The following CACNA1C variants were observed in gnomAD, a reference collection of about 807,000 sequenced individuals.
CACNA1C encodes voltage-dependent L-type calcium channel subunit alpha-1C.
CACNA1C carries 30 observed loss-of-function variants against 229.0 expected under a neutral mutation model. The observed-to-expected ratio is 0.13, with a 90% CI of 0.10 to 0.18. The LOEUF (loss-of-function observed/expected upper bound fraction) is 0.18, where lower values mean the gene tolerates loss of function less well. Among genes scored for constraint, CACNA1C ranks in the 10% least tolerant of loss-of-function variants. The pLI, the probability that CACNA1C is intolerant of heterozygous loss-of-function variation, is 1.00. For missense variants in CACNA1C, 1,658 were observed against 2,845.0 expected, an observed-to-expected ratio of 0.58 and a Z score of 9.49; for synonymous variants, 1,114 against 1,132.5, an observed-to-expected ratio of 0.98 and a Z score of 0.33.
At chr12:2,318,732 A>G (rs1330619361) in intron 3 of CACNA1C, among the ~76,000 whole-genome samples, 1 of 151,994 alleles carries the variant, frequency 6.6e-6, no homozygotes, top group Non-Finnish European at 1.5e-5. Context: ...CCAAAGAAAG[A>G]GAATGGAGGG....
chr12:2,399,884 C>G (rs1007794627), intron 3 of CACNA1C, among the ~76,000 whole-genome samples: 1 of 152,232 alleles, frequency 6.6e-6, no homozygotes, highest in African/African-American at 2.4e-5. Context: ...CATCTGAACT[C>G]TGACTTCCTG....
intron 3 of CACNA1C, among the ~76,000 whole-genome samples, chr12:2,153,833 A>G (rs1446104242): frequency 6.6e-6 from 1 of 152,204 alleles, no homozygotes; most frequent in South Asian, 2.1e-4. Context: ...CATTAATAAG[A>G]TAATTGGAAG....
chr12:2,617,076 C>T (rs1328000984), intron 29 of CACNA1C, among the ~76,000 whole-genome samples: 1 of 152,242 alleles, frequency 6.6e-6, no homozygotes, highest in Non-Finnish European at 1.5e-5. Context: ...GAAATGAAGG[C>T]AGTGAAGCCT....
Position 2,651,828 on chromosome 12 carries a change from C to A in CACNA1C, c.4074+60C>A. ...CGCAGGGCTGCCGCGTGGCCCAGAACACAGCTGACACAAGGAGGAGCCCTC... is the reference window on the plus strand; with the variant it reads ...CGCAGGGCTGCCGCGTGGCCCAGAAAACAGCTGACACAAGGAGGAGCCCTC... On this transcript the variant is annotated intron_variant, in intron 32 of 46. Transcript: ENST00000399655. The surrounding 1 kb of genome is among the most constrained non-coding windows in gnomAD (Gnocchi z 5.4). 1 of 1,349,162 alleles carries A rather than the reference C, an allele frequency of 7.4e-7. No homozygotes were observed. 83.6% of individuals were successfully genotyped at this position (1,349,162 alleles called of 1,614,324 possible).
chr12:1,996,645 AAAAAAAAAAAC>A (rs374132125), intron 1 of CACNA1C, among the ~76,000 whole-genome samples: 19,221 of 93,906 alleles, frequency 0.2, 2,352 homozygotes, highest in Admixed American at 0.27. Flanking sequence ...AAAAAAAAAA[AAAAAAAAAAAC>A]AACAAACTCT....
intron 3 of CACNA1C, among the ~76,000 whole-genome samples, chr12:2,446,924 C>G (rs910359592): frequency 1.3e-5 from 2 of 152,072 alleles, no homozygotes; most frequent in Non-Finnish European, 2.9e-5. Context: ...AAGCAACTAG[C>G]ACATATGAAA....
Position 2,107,470 on chromosome 12 carries a change from G to A in CACNA1C, c.50-7754G>A, listed in dbSNP as rs529531666. On this transcript the variant is annotated intron_variant, in intron 1 of 46. Transcript: ENST00000399655. ...GCTGAAACCACTGGGCGCCCACCCC[G>A]GGGAGGGTTTCCACCTCAGCTGGGC... Among the ~76,000 whole-genome samples the A allele has an allele frequency of 1.3e-3, 169 of 129,768 alleles. 2 individuals are homozygous for A. The highest frequency in any genetic ancestry group is 4.8e-3 in the African/African-American group (164 of 34,146). The allele number at this position is 129,768 out of a possible 152,430, so 85.1% of individuals were successfully genotyped here. A position where few individuals can be genotyped will look rare whatever the true frequency, so the allele number is the denominator to read the frequency against.
chr12:2,101,451 C>A (rs2076381288), intron 1 of CACNA1C, among the ~76,000 whole-genome samples: 1 of 152,216 alleles, frequency 6.6e-6, no homozygotes, highest in South Asian at 2.1e-4. Flanking sequence ...CCTCCCCCTC[C>A]CAGGTGGGGC....
chr12:2,204,893 T>C (rs374345969), intron 3 of CACNA1C, among the ~76,000 whole-genome samples: 1 of 149,872 alleles, frequency 6.7e-6, no homozygotes, highest in Non-Finnish European at 1.5e-5. Flanking sequence ...TGTATACATA[T>C]GTAACTAACC....
In CACNA1C at chr12:2,090,267, T is replaced by C. The variant is rs945622316; in HGVS notation, c.50-24957T>C. On this transcript the variant is annotated intron_variant, in intron 1 of 46. Coordinates refer to ENST00000399655, the MANE Select transcript of CACNA1C (RefSeq NM_000719.7). ...CTTACAGTGTGTGTCAGAATTTCATTGCTTTTAAAGGCTGAATAATAGTCC... is the reference window on the plus strand; with the variant it reads ...CTTACAGTGTGTGTCAGAATTTCATCGCTTTTAAAGGCTGAATAATAGTCC... Among the ~76,000 whole-genome samples the C allele has an allele frequency of 3.6e-4, 55 of 151,982 alleles. 1 individual carries two copies. The highest frequency in any genetic ancestry group is 1.1e-3 in the African/African-American group (46 of 41,476).
At chr12:2,096,984 G>A (rs776827679) in intron 1 of CACNA1C, among the ~76,000 whole-genome samples, 3 of 152,040 alleles carry the variant, frequency 2.0e-5, no homozygotes, top group Non-Finnish European at 4.4e-5. Flanking sequence ...ATTTGTTGAC[G>A]GACACTTGGG....
In CACNA1C at chr12:2,678,509, G is replaced by T. The variant is rs1304655932; in HGVS notation, c.5091+642G>T. Among the ~76,000 whole-genome samples the T allele has an allele frequency of 6.6e-6, 1 of 152,186 alleles. No individual in the cohort carries two copies. Among genetic ancestry groups the T allele is most frequent in the Non-Finnish European group, 1.5e-5 (1 of 68,028 alleles). On this transcript the variant is annotated intron_variant, in intron 41 of 46. Coordinates refer to ENST00000399655, the MANE Select transcript of CACNA1C (RefSeq NM_000719.7). This position sits in a 1 kb window ranked among gnomAD's most constrained non-coding sequence, Gnocchi z 4.1. ...TTTGTGTTGCCTGCCTCACCACGCT[G>T]GTGTTTGGTTACAAATCCTTCTATA...
chr12:2,505,964 G>T (rs1424139858), intron 8 of CACNA1C, among the ~76,000 whole-genome samples: 1 of 152,092 alleles, frequency 6.6e-6, no homozygotes, highest in Admixed American at 6.5e-5. Context: ...TAAAGACAAA[G>T]ATTGCTCTCC....
intron 4 of CACNA1C, among the ~76,000 whole-genome samples, chr12:2,453,294 G>A (rs1027350996): frequency 4.6e-5 from 7 of 152,258 alleles, no homozygotes; most frequent in African/African-American, 1.7e-4. Flanking sequence ...TCCCCCAGCT[G>A]CAGCTTCCCA....
chr12:2,016,353 G>A (rs2045364336), intron 1 of CACNA1C, among the ~76,000 whole-genome samples: 1 of 152,080 alleles, frequency 6.6e-6, no homozygotes, highest in Non-Finnish European at 1.5e-5. Context: ...GTTTAATGGA[G>A]GAGATACACT....
At chr12:2,506,193 G>A (rs1466641012) in intron 8 of CACNA1C, among the ~76,000 whole-genome samples, 2 of 152,098 alleles carry the variant, frequency 1.3e-5, no homozygotes, top group Non-Finnish European at 2.9e-5. Context: ...CTTCCATCAG[G>A]GATAACAGTG....
chr12:2,084,798 A>T (rs917995455), intron 1 of CACNA1C, among the ~76,000 whole-genome samples: 8 of 152,206 alleles, frequency 5.3e-5, no homozygotes, highest in African/African-American at 1.9e-4. Context: ...GGTCCTTGTC[A>T]TATAAATTGC....
chr12:2,164,762 G>C (rs772250341), intron 3 of CACNA1C, among the ~76,000 whole-genome samples: 1 of 152,222 alleles, frequency 6.6e-6, no homozygotes, highest in Non-Finnish European at 1.5e-5. Flanking sequence ...AAGTCACCTT[G>C]TTAAGTACCA....
chr12:2,263,533 G>A (rs942077292), intron 3 of CACNA1C, among the ~76,000 whole-genome samples: 5 of 152,046 alleles, frequency 3.3e-5, no homozygotes, highest in South Asian at 2.1e-4. Flanking sequence ...GGAGCTTCTC[G>A]GTGTTGGTAG....
Sources: gnomAD v4.1 joint callset for allele counts (sites outside exome capture counted in the v4.1 genomes callset) on GRCh38, gnomAD v4.1.1 for gene constraint, Gnocchi (gnomAD v3.1) non-coding constraint, MANE v1.5 for transcripts, NCBI Gene and HGNC (gene_info 2026-07-23, HGNC 2026-07-21) for gene names.